The following RAB27B variants were observed in gnomAD, a reference collection of about 807,000 sequenced individuals.
RAB27B encodes ras-related protein Rab-27B.
RAB27B carries 15 observed loss-of-function variants against 24.6 expected under a neutral mutation model. The observed-to-expected ratio is 0.61, with a 90% CI of 0.41 to 0.94. The LOEUF (loss-of-function observed/expected upper bound fraction) is 0.94, where lower values mean the gene tolerates loss of function less well. Among genes scored for constraint, RAB27B ranks in the 40% least tolerant of loss-of-function variants. The pLI, the probability that RAB27B is intolerant of heterozygous loss-of-function variation, is 0.00. For synonymous variants in RAB27B, 105 were observed against 92.5 expected (o/e 1.14, Z -0.78); for missense variants, 261 against 266.8 (o/e 0.98, Z 0.15).
In RAB27B at chr18:54,892,746, C is replaced by T. The variant is rs1477349584; in HGVS notation, c.*3333C>T. The T allele has an allele frequency of 6.6e-6, 1 of 151,962 alleles. No individual in the cohort carries two copies. The highest frequency in any genetic ancestry group is 1.5e-5 in the Non-Finnish European group (1 of 67,956). 9.4% of individuals were successfully genotyped at this position (151,962 alleles called of 1,614,324 possible). On this transcript the variant is annotated 3_prime_UTR_variant, in exon 6 of 6. Transcript: ENST00000262094. ...TCATTTTCGTATTATCAGCTATCGC[C>T]CTGTAAAATATTCAAAACTAGCTAT...
At chr18:54,735,834 A>T (rs149594611) in intron 2 of RAB27B, among the ~76,000 whole-genome samples, 1 of 152,210 alleles carries the variant, frequency 6.6e-6, no homozygotes, top group Non-Finnish European at 1.5e-5. Context: ...CACTTTTGTG[A>T]TAGAATTTAT....
intron 2 of RAB27B, among the ~76,000 whole-genome samples, chr18:54,771,590 TAGTGTGTG>T (rs1378148804): frequency 8.2e-5 from 9 of 110,008 alleles, no homozygotes; most frequent in African/African-American, 3.2e-4. Flanking sequence ...GCTGATAGTT[TAGTGTGTG>T]TGTGTGTGTG....
intron 1 of RAB27B, among the ~76,000 whole-genome samples, chr18:54,844,670 G>A (rs1212546947): frequency 6.6e-6 from 1 of 152,110 alleles, no homozygotes; most frequent in Non-Finnish European, 1.5e-5. Context: ...GCCTCCCAAA[G>A]TGCTGGGATT....
chr18:54,841,151 T>TGGCA, intron 1 of RAB27B, among the ~76,000 whole-genome samples: 1 of 8,138 alleles, frequency 1.2e-4, no homozygotes, highest in Non-Finnish European at 4.9e-4. Flanking sequence ...TGTCTTTGGG[T>TGGCA]GGCGGGGCGG....
In RAB27B at chr18:54,891,037, G is replaced by A. The variant is rs367668534; in HGVS notation, c.*1624G>A. The A allele has an allele frequency of 3.3e-5, 5 of 151,074 alleles. No individual in the cohort carries two copies. Among genetic ancestry groups the A allele is most frequent in the East Asian group, 1.9e-4 (1 of 5,136 alleles). The allele number at this position is 151,074 out of a possible 1,614,324, so 9.4% of individuals were successfully genotyped here. A position where few individuals can be genotyped will look rare whatever the true frequency, so the allele number is the denominator to read the frequency against. ...TTTTTTGACAGGCTGTTTCCTCGTC[G>A]TATAGATTTTTTCCAATCAAACCTA... On this transcript the variant is annotated 3_prime_UTR_variant, in exon 6 of 6. Coordinates refer to ENST00000262094, the MANE Select transcript of RAB27B (RefSeq NM_004163.4).
intron 2 of RAB27B, among the ~76,000 whole-genome samples, chr18:54,782,246 C>A (rs73960632): frequency 6.6e-6 from 1 of 152,116 alleles, no homozygotes. Flanking sequence ...ATAAAGCCAA[C>A]CTGATATATC....
upstream of RAB27B, among the ~76,000 whole-genome samples, chr18:54,825,239 T>C (rs12606265): frequency 0.23 from 34,812 of 152,044 alleles, 4,222 homozygotes; most frequent in East Asian, 0.39. Context: ...ATGTTTTAGG[T>C]TTTTCTCTTT....
At chr18:54,758,934 G>C (rs916586198) in intron 2 of RAB27B, among the ~76,000 whole-genome samples, 2 of 152,132 alleles carry the variant, frequency 1.3e-5, no homozygotes, top group Non-Finnish European at 1.5e-5. Context: ...GACTTCAAAC[G>C]TCTCTCTATA....
Position 54,718,844 on chromosome 18 carries a change from G to A in RAB27B, c.-20+703G>A, listed in dbSNP as rs1909272085. On this transcript the variant is annotated intron_variant, in intron 2 of 4. Transcript: ENST00000586570. Reference sequence around the variant, plus strand: ...TGAGTATTTTACAAATCAATTGAAGGTGCTTTTTAAGAGCCTTGGTGCCAA... The same window carrying A: ...TGAGTATTTTACAAATCAATTGAAGATGCTTTTTAAGAGCCTTGGTGCCAA... Among the ~76,000 whole-genome samples, 3 of 152,100 alleles carry A rather than the reference G, an allele frequency of 2.0e-5. No individual in the cohort carries two copies. In the South Asian group the frequency reaches 6.2e-4, roughly 32 times the overall value.
chr18:54,871,440 C>A (rs943660133), intron 1 of RAB27B, among the ~76,000 whole-genome samples: 2 of 152,130 alleles, frequency 1.3e-5, no homozygotes, highest in Non-Finnish European at 2.9e-5. Flanking sequence ...CCTACTAAAG[C>A]CTGACATAAC....
At chr18:54,817,006 T>G (rs1910142323) in intron 2 of RAB27B, among the ~76,000 whole-genome samples, 1 of 152,204 alleles carries the variant, frequency 6.6e-6, no homozygotes, top group Non-Finnish European at 1.5e-5. Context: ...GAGAGTCTGA[T>G]ATACAATACT....
At chr18:54,731,937 T>G (rs1450281491) in intron 2 of RAB27B, among the ~76,000 whole-genome samples, 1 of 152,210 alleles carries the variant, frequency 6.6e-6, no homozygotes, top group Non-Finnish European at 1.5e-5. Context: ...GTGATAAGTT[T>G]TAGTTGTTTA....
intron 2 of RAB27B, among the ~76,000 whole-genome samples, chr18:54,747,117 T>C (rs1001077285): frequency 3.9e-5 from 6 of 152,182 alleles, no homozygotes; most frequent in Non-Finnish European, 5.9e-5. Flanking sequence ...ATGTTTGGCT[T>C]TGTTACACCC....
Position 54,857,309 on chromosome 18 carries a change from C to T in RAB27B, c.-19-20258C>T, listed in dbSNP as rs575789224. Among the ~76,000 whole-genome samples, 7 of 152,226 alleles carry T rather than the reference C, an allele frequency of 4.6e-5. No homozygotes were observed. The South Asian group carries it at 6.2e-4, about 14-fold the overall frequency. Reference sequence around the variant, plus strand: ...TCTCCTCTGTTCTCTTCTGCCCATCCGGGAAATAATTCCACCTTACTTCCA... The same window carrying T: ...TCTCCTCTGTTCTCTTCTGCCCATCTGGGAAATAATTCCACCTTACTTCCA... On this transcript the variant is annotated intron_variant, in intron 1 of 5. Transcript: ENST00000262094.
At chr18:54,797,238 G>C (rs889563139) in intron 2 of RAB27B, among the ~76,000 whole-genome samples, 3 of 152,230 alleles carry the variant, frequency 2.0e-5, no homozygotes, top group Non-Finnish European at 2.9e-5. Flanking sequence ...CGGACACAGT[G>C]GCCCATGCCT....
intron 1 of RAB27B, among the ~76,000 whole-genome samples, chr18:54,850,992 A>G (rs1351733690): frequency 6.6e-6 from 1 of 152,002 alleles, no homozygotes; most frequent in Non-Finnish European, 1.5e-5. Context: ...AAGCCTTTTA[A>G]TTTGCAAAAC....
intron 1 of RAB27B, among the ~76,000 whole-genome samples, chr18:54,833,607 CA>C (rs1258320554): frequency 6.6e-6 from 1 of 152,102 alleles, no homozygotes; most frequent in African/African-American, 2.4e-5. Flanking sequence ...AAATTAAAAT[CA>C]AAGAAAGCTG....
intron 2 of RAB27B, among the ~76,000 whole-genome samples, chr18:54,723,688 A>C (rs530265725): frequency 7.5e-4 from 114 of 152,314 alleles, no homozygotes; most frequent in African/African-American, 2.7e-3. Flanking sequence ...CAGATAGATA[A>C]AATCCCTAGT....
In RAB27B at chr18:54,818,809, T is replaced by G. The variant is rs143477045; in HGVS notation, c.-19-58758T>G. Among the ~76,000 whole-genome samples the G allele has an allele frequency of 1.2e-3, 189 of 152,314 alleles. 2 individuals are homozygous for G. The highest frequency in any genetic ancestry group is 4.4e-3 in the African/African-American group (182 of 41,570). On this transcript the variant is annotated intron_variant, in intron 2 of 4. Transcript: ENST00000586570. ...CAAGAAAATGAGAAGTTCTTATTAATTGTATCTTTATCCTAATCGTGTTTT... is the reference window on the plus strand; with the variant it reads ...CAAGAAAATGAGAAGTTCTTATTAAGTGTATCTTTATCCTAATCGTGTTTT...
Sources: gnomAD v4.1 joint callset for allele counts (sites outside exome capture counted in the v4.1 genomes callset) on GRCh38, gnomAD v4.1.1 for gene constraint, MANE v1.5 for transcripts, NCBI Gene and HGNC (gene_info 2026-07-23, HGNC 2026-07-21) for gene names.